Variants in MINDY3 observed in about 807,000 individuals in gnomAD.
MINDY3 encodes the protein ubiquitin carboxyl-terminal hydrolase MINDY-3.
Under a neutral mutation model 69.2 loss-of-function variants are expected in MINDY3, and 38 were observed. The observed-to-expected ratio is 0.55, with a 90% CI of 0.42 to 0.72. MINDY3 has a LOEUF of 0.72. MINDY3 is among the 30% of genes least tolerant of loss of function. The pLI, the probability that MINDY3 is intolerant of heterozygous loss-of-function variation, is 0.00. For missense variants in MINDY3, 522 were observed against 519.0 expected (o/e 1.01, Z -0.06); for synonymous variants, 192 against 180.1 (o/e 1.07, Z -0.53).
At chr10:15,854,340 A>C (rs948344925) in intron 1 of MINDY3, among the ~76,000 whole-genome samples, 6 of 152,144 alleles carry the variant, frequency 3.9e-5, no homozygotes, top group Admixed American at 1.3e-4. Flanking sequence ...CACTTCAACC[A>C]AAATAATATA....
At chr10:15,798,039 C>T (rs775595602) in intron 10 of MINDY3, among the ~76,000 whole-genome samples, 2 of 152,120 alleles carry the variant, frequency 1.3e-5, no homozygotes, top group East Asian at 3.9e-4. Context: ...CTTACAGGGG[C>T]ACAAAATCAG....
intron 10 of MINDY3, 77 bp from the exon 11 acceptor site, chr10:15,796,249 A>G: frequency 9.0e-7 from 1 of 1,112,704 alleles, no homozygotes; most frequent in Non-Finnish European, 1.4e-6. Flanking sequence ...TAGGGTAGGC[A>G]GACATAATGA....
chr10:15,817,343 A>C (rs1405491638), intron 9 of MINDY3: 1 of 153,960 alleles, frequency 6.5e-6, no homozygotes, highest in Non-Finnish European at 1.4e-5. Flanking sequence ...GAATAATCAA[A>C]GGGAAAGAAC....
chr10:15,789,749 G>A (rs4483492), intron 11 of MINDY3, among the ~76,000 whole-genome samples: 1 of 152,010 alleles, frequency 6.6e-6, no homozygotes, highest in Non-Finnish European at 1.5e-5. Flanking sequence ...GTTTCTTGAA[G>A]GAATGTCAGT....
chr10:15,818,915 T>C (rs574545820), intron 9 of MINDY3, among the ~76,000 whole-genome samples: 265 of 152,276 alleles, frequency 1.7e-3, no homozygotes, highest in African/African-American at 6.2e-3. Flanking sequence ...GGGGTAATGG[T>C]TGCATTGCAT....
At chr10:15,786,455 C>T (rs1458911759) in intron 13 of MINDY3, 106 bp downstream of exon 13, 3 of 730,376 alleles carry the variant, frequency 4.1e-6, no homozygotes, top group Non-Finnish European at 7.1e-6. Flanking sequence ...TTCTCAGTCT[C>T]ATATCTGCGC....
At chr10:15,797,310 T>G (rs1837911135) in intron 10 of MINDY3, among the ~76,000 whole-genome samples, 1 of 152,096 alleles carries the variant, frequency 6.6e-6, no homozygotes, top group Non-Finnish European at 1.5e-5. Flanking sequence ...GTAAAGCAAC[T>G]TAAAAACCAC....
intron 1 of MINDY3, among the ~76,000 whole-genome samples, chr10:15,858,242 C>G (rs1834833008): frequency 6.6e-6 from 1 of 152,080 alleles, no homozygotes; most frequent in Non-Finnish European, 1.5e-5. Context: ...TAACTGCACC[C>G]TGTAAACGAA....
At chr10:15,831,330 T>C (rs1167121169) in intron 8 of MINDY3, among the ~76,000 whole-genome samples, 3 of 152,310 alleles carry the variant, frequency 2.0e-5, no homozygotes, top group Admixed American at 1.3e-4. Flanking sequence ...TACTATGTGT[T>C]ATCCAGGAAA....
chr10:15,817,277 G>T, intron 9 of MINDY3: 1 of 172,664 alleles, frequency 5.8e-6, no homozygotes, highest in Non-Finnish European at 1.2e-5. Context: ...CTATAAACTT[G>T]ACGATAATAA....
At chr10:15,848,022 T>C (rs1833974217) in intron 1 of MINDY3, 79 bp from the exon 2 acceptor site, 3 of 1,173,732 alleles carry the variant, frequency 2.6e-6, no homozygotes, top group African/African-American at 3.0e-5. Flanking sequence ...TACTTTGCTT[T>C]GAGAATGATC....
chr10:15,832,475 G>T (rs578133789), intron 8 of MINDY3, among the ~76,000 whole-genome samples: 1 of 151,918 alleles, frequency 6.6e-6, no homozygotes, highest in Non-Finnish European at 1.5e-5. Flanking sequence ...AGGATTAAAT[G>T]CTTTCAGCTA....
intron 10 of MINDY3, among the ~76,000 whole-genome samples, chr10:15,810,059 T>C (rs1838894781): frequency 1.3e-5 from 2 of 152,030 alleles, no homozygotes; most frequent in Non-Finnish European, 2.9e-5. Context: ...TTGTGAAAAA[T>C]CTCTTTTAAT....
chr10:15,816,852 T>A lies in MINDY3; in HGVS notation c.865A>T (p.Thr289Ser). 1 of 1,612,996 alleles carries A rather than the reference T, an allele frequency of 6.2e-7. No homozygotes were observed. The highest frequency in any genetic ancestry group is 8.5e-7 in the Non-Finnish European group (1 of 1,179,406). The part of the protein sequence containing the change: ...IWIVGSETHL[T>S]VFFAKDMALV... Reference sequence around the variant, plus strand: ...AAGCATACCTTGGCAAAAAATACGGTGAGGTGAGTCTCACTGCCAACAATC... The same window carrying A: ...AAGCATACCTTGGCAAAAAATACGGAGAGGTGAGTCTCACTGCCAACAATC... The change falls in exon 10 of 15, where the codon ACC becomes TCC. Residue 289 changes from threonine (T) to serine (S), a missense_variant. Thr to Ser is a moderately conservative substitution (Grantham distance 58). Coordinates refer to ENST00000277632, the MANE Select transcript of MINDY3 (RefSeq NM_024948.4).
rs1472214873 is a variant in MINDY3, at chr10:15,848,658, A to G, written c.95-715T>C. On this transcript the variant is annotated intron_variant, in intron 1 of 14. Transcript: ENST00000277632. ...CAAAAAAAAAAAAAAAAAAAAAAAA[A>G]AAAAGAAAGAAAAATTAAATGGCAT... Among the ~76,000 whole-genome samples, 11 of 125,972 alleles carry G rather than the reference A, an allele frequency of 8.7e-5. No homozygotes were observed. The East Asian group carries it at 2.2e-3, about 25-fold the overall frequency. The allele number at this position is 125,972 out of a possible 152,430, so 82.6% of individuals were successfully genotyped here. A position where few individuals can be genotyped will look rare whatever the true frequency, so the allele number is the denominator to read the frequency against.
intron 8 of MINDY3, among the ~76,000 whole-genome samples, chr10:15,830,749 C>T (rs956713844): frequency 6.6e-6 from 1 of 152,136 alleles, no homozygotes; most frequent in Non-Finnish European, 1.5e-5. Context: ...CTACGATTTT[C>T]GCAGGTAGTG....
At chr10:15,804,014 C>T (rs765847756) in intron 10 of MINDY3, among the ~76,000 whole-genome samples, 18 of 152,078 alleles carry the variant, frequency 1.2e-4, no homozygotes, top group Non-Finnish European at 1.8e-4. Context: ...TGAGACTCAA[C>T]GATTACATAC....
intron 9 of MINDY3, chr10:15,817,831 C>A (rs1224552558): frequency 1.3e-5 from 2 of 152,190 alleles, no homozygotes; most frequent in African/African-American, 4.8e-5. Flanking sequence ...TCAACCACCA[C>A]CCTGGCCCTG....
intron 1 of MINDY3, among the ~76,000 whole-genome samples, 177 bp downstream of exon 1, chr10:15,860,028 CA>C (rs757685871): frequency 7.7e-4 from 117 of 152,342 alleles, no homozygotes; most frequent in Non-Finnish European, 1.5e-3. Context: ...TTCTCCTACT[CA>C]AACTCTCCCC....
Sources: allele counts gnomAD v4.1 joint callset (sites outside exome capture counted in the v4.1 genomes callset), GRCh38; gene constraint gnomAD v4.1.1; transcripts MANE v1.5; gene names NCBI Gene and HGNC (gene_info 2026-07-23, HGNC 2026-07-21).